The following TNFRSF21 variants were observed in gnomAD, a reference collection of about 807,000 sequenced individuals.
The protein encoded by TNFRSF21 is tumor necrosis factor receptor superfamily member 21.
Under a neutral mutation model 45.6 loss-of-function variants are expected in TNFRSF21, and 19 were observed. The observed-to-expected ratio is 0.42, with a 90% CI of 0.29 to 0.61. The LOEUF is 0.61. TNFRSF21 is among the 20% of genes least tolerant of loss of function. The pLI is 0.23. For synonymous variants in TNFRSF21, 314 were observed against 335.5 expected (o/e 0.94, Z 0.70); for missense variants, 737 against 851.5 (o/e 0.87, Z 1.67).
At chr6:47,245,427 AGTGTGT>A (rs375623340) in intron 4 of TNFRSF21, among the ~76,000 whole-genome samples, 3,895 of 142,236 alleles carry the variant, frequency 0.027, 186 homozygotes, top group African/African-American at 0.095. Flanking sequence ...ACTAAGAAGA[AGTGTGT>A]GTGTGTGTGT....
At chr6:47,291,315 T>C (rs1223485175) in intron 1 of TNFRSF21, among the ~76,000 whole-genome samples, 1 of 152,104 alleles carries the variant, frequency 6.6e-6, no homozygotes, top group African/African-American at 2.4e-5. Flanking sequence ...CATGATAGGT[T>C]GGGGGAGAAG....
At chr6:47,286,632 C>A (rs752081847) in intron 1 of TNFRSF21, 37 bp from the exon 2 acceptor site, 1 of 1,562,844 alleles carries the variant, frequency 6.4e-7, no homozygotes, top group Non-Finnish European at 8.7e-7. Flanking sequence ...GGAACAAAAA[C>A]CAAGAAGATG....
intron 4 of TNFRSF21, among the ~76,000 whole-genome samples, chr6:47,243,864 G>A (rs1418924495): frequency 6.6e-6 from 1 of 152,178 alleles, no homozygotes; most frequent in Non-Finnish European, 1.5e-5. Flanking sequence ...CTAGTGAAGG[G>A]CATTTGTAGA....
chr6:47,236,718 T>A (rs1226150577), intron 4 of TNFRSF21, among the ~76,000 whole-genome samples: 1 of 152,218 alleles, frequency 6.6e-6, no homozygotes, highest in Admixed American at 6.5e-5. Flanking sequence ...GTTAATTCCA[T>A]AGGCCCTGGC....
chr6:47,266,637 G>A (rs184092901), intron 3 of TNFRSF21, among the ~76,000 whole-genome samples: 2 of 152,086 alleles, frequency 1.3e-5, no homozygotes, highest in African/African-American at 4.8e-5. Context: ...TAAGAGGTTC[G>A]ACCACCAAGC....
At chr6:47,238,731 A>T (rs1486210299) in intron 4 of TNFRSF21, among the ~76,000 whole-genome samples, 1 of 152,194 alleles carries the variant, frequency 6.6e-6, no homozygotes, top group Non-Finnish European at 1.5e-5. Context: ...CACCTCTACC[A>T]CTGAGTACAA....
intron 2 of TNFRSF21, among the ~76,000 whole-genome samples, chr6:47,285,519 C>T (rs563148279): frequency 1.3e-5 from 2 of 152,260 alleles, no homozygotes; most frequent in African/African-American, 2.4e-5. Flanking sequence ...TCCTTTCTCC[C>T]TCTTCTCTGC....
chr6:47,309,438 A>G lies in TNFRSF21; in HGVS notation c.74T>C (p.Met25Thr). The stretch of plus-strand genomic sequence containing the variant: ...CACCAGGAGAAGGGAGCCCGCGATC[A>G]TCGTGGCTGTGGCTCGGCGGGCGAT... ...SRIARRATAT[M>T]IAGSLLLLGF... is the part of the protein sequence containing the mutation. The change falls in exon 1 of 6, where the codon ATG becomes ACG. Residue 25 changes from methionine to threonine, a missense_variant. Physicochemically the swap from Met to Thr is moderately conservative, Grantham distance 81 (BLOSUM62 -1). Transcript: ENST00000296861. The G allele has an allele frequency of 6.4e-7, 1 of 1,551,712 alleles. No individual in the cohort carries two copies. The highest frequency in any genetic ancestry group is 8.7e-7 in the Non-Finnish European group (1 of 1,155,886).
intron 1 of TNFRSF21, 40 bp downstream of exon 1, chr6:47,309,376 T>TCCGGCG: frequency 6.6e-7 from 1 of 1,512,314 alleles, no homozygotes; most frequent in Non-Finnish European, 8.8e-7. Context: ...TTCCTTCTGC[T>TCCGGCG]CCGGCGCCGC....
chr6:47,296,089 T>C (rs1245218533), intron 1 of TNFRSF21, among the ~76,000 whole-genome samples: 2 of 152,200 alleles, frequency 1.3e-5, no homozygotes, highest in Non-Finnish European at 2.9e-5. Flanking sequence ...GACTTCTGCA[T>C]ACATGAAGAA....
At chr6:47,279,455 T>G (rs1762538312) in intron 3 of TNFRSF21, among the ~76,000 whole-genome samples, 1 of 152,240 alleles carries the variant, frequency 6.6e-6, no homozygotes, top group South Asian at 2.1e-4. Context: ...AGATCATTGG[T>G]GACTTTTCTC....
At chr6:47,257,817 C>CATAA (rs1385974962) in intron 3 of TNFRSF21, among the ~76,000 whole-genome samples, 1 of 152,184 alleles carries the variant, frequency 6.6e-6, no homozygotes, top group East Asian at 1.9e-4. Context: ...ATAAATACTT[C>CATAA]ATAAATACAC....
intron 5 of TNFRSF21, 73 bp from the exon 6 acceptor site, chr6:47,233,067 G>C: frequency 7.2e-7 from 1 of 1,386,724 alleles, no homozygotes; most frequent in South Asian, 1.2e-5. Context: ...AAGGAGAGCA[G>C]GGTCCTAGAG....
chr6:47,265,440 C>T (rs1343848093), intron 3 of TNFRSF21, among the ~76,000 whole-genome samples: 2 of 151,822 alleles, frequency 1.3e-5, no homozygotes, highest in African/African-American at 2.4e-5. Context: ...TTTCTAGCAC[C>T]GAGTAATTTA....
Position 47,309,732 on chromosome 6 carries a change from G to A in TNFRSF21, c.-221C>T, listed in dbSNP as rs1762991280. ...CCAGCGGCGCGGCCGCCCAGGCGGG[G>A]AGAAGCCGCCGCGACTGCAGCCCGC... On this transcript the variant is annotated 5_prime_UTR_variant, in exon 1 of 6. Transcript: ENST00000296861. The A allele has an allele frequency of 1.9e-6, 1 of 523,770 alleles. No homozygotes were observed. The highest frequency in any genetic ancestry group is 3.0e-6 in the Non-Finnish European group (1 of 337,656). The allele number at this position is 523,770 out of a possible 1,614,324, so 32.4% of individuals were successfully genotyped here.
intron 1 of TNFRSF21, among the ~76,000 whole-genome samples, chr6:47,300,982 CATTAGTTTTAACTATACATAAATACTAT>C (rs1163867144): frequency 6.6e-6 from 1 of 152,162 alleles, no homozygotes; most frequent in Non-Finnish European, 1.5e-5. Context: ...GGTACATACA[CATTAGTTTTAACTATACATAAATACTAT>C]AAACAAAGGG....
chr6:47,265,257 C>G (rs1762315902), intron 3 of TNFRSF21, among the ~76,000 whole-genome samples: 1 of 152,150 alleles, frequency 6.6e-6, no homozygotes, highest in African/African-American at 2.4e-5. Context: ...AGTAGGATAT[C>G]TGAGTGATTT....
chr6:47,244,761 C>A (rs1252585598), intron 4 of TNFRSF21, among the ~76,000 whole-genome samples: 1 of 152,102 alleles, frequency 6.6e-6, no homozygotes, highest in Non-Finnish European at 1.5e-5. Context: ...TAGTCTCTCC[C>A]AAGGAAATGG....
intron 3 of TNFRSF21, among the ~76,000 whole-genome samples, chr6:47,270,416 A>T (rs1387137673): frequency 1.3e-5 from 2 of 152,250 alleles, no homozygotes; most frequent in African/African-American, 2.4e-5. Context: ...CCTGCAGCTG[A>T]GGGACCTGAC....
Sources: gnomAD v4.1 joint callset for allele counts (sites outside exome capture counted in the v4.1 genomes callset) on GRCh38, gnomAD v4.1.1 for gene constraint, MANE v1.5 for transcripts, NCBI Gene and HGNC (gene_info 2026-07-23, HGNC 2026-07-21) for gene names.